Variants in RRBP1 observed in about 807,000 individuals in gnomAD.
The protein encoded by RRBP1 is ribosome-binding protein 1.
RRBP1 carries 94 observed loss-of-function variants against 165.2 expected under a neutral mutation model. That is an observed-to-expected ratio of 0.57 (90% confidence interval 0.48 to 0.68). RRBP1 has a LOEUF of 0.68. Among genes scored for constraint, RRBP1 ranks in the 30% least tolerant of loss-of-function variants. The probability of loss-of-function intolerance (pLI) is 0.00; values close to 1 mark genes in which losing one functional copy is unlikely to be tolerated. For synonymous variants in RRBP1, 680 were observed against 714.5 expected (o/e 0.95, Z 0.77); for missense variants, 1,676 against 1,763.0 (o/e 0.95, Z 0.88).
At chr20:17,631,587 G>A (rs2036151552) in intron 8 of RRBP1, among the ~76,000 whole-genome samples, 1 of 152,262 alleles carries the variant, frequency 6.6e-6, no homozygotes, top group African/African-American at 2.4e-5. Flanking sequence ...TCCCGTGGCT[G>A]GGTGGGCCCA....
At position 17,637,697 on chromosome 20, in the gene RRBP1, G is replaced by A. The variant is rs559473562; in HGVS notation, c.2185-968C>T. ...TGAGATGGGAAAGAACCCTGAGGAG[G>A]AGCCACTGGGTGCTGGTGCTGTTCC... On this transcript the variant is annotated intron_variant, in intron 5 of 24. Coordinates refer to ENST00000377813, the MANE Select transcript of RRBP1 (RefSeq NM_001365613.2). Among the ~76,000 whole-genome samples the A allele has an allele frequency of 5.3e-5, 8 of 152,308 alleles. No individual in the cohort carries two copies. In the East Asian group the frequency reaches 9.7e-4, roughly 18 times the overall value.
At chr20:17,678,331 C>T (rs2122520900) in intron 2 of RRBP1, among the ~76,000 whole-genome samples, 1 of 152,308 alleles carries the variant, frequency 6.6e-6, no homozygotes, top group South Asian at 2.1e-4. Context: ...GTCTTTGTTA[C>T]AAGTCACCAT....
At position 17,620,349 on chromosome 20, in the gene RRBP1, G is replaced by A. The variant is rs1474545970; in HGVS notation, c.3529C>T (p.Leu1177Phe). The A allele has an allele frequency of 5.6e-6, 9 of 1,613,820 alleles. No individual in the cohort carries two copies. In the South Asian group the frequency reaches 9.9e-5, roughly 18 times the overall value. Reference sequence around the variant, plus strand: ...TTTAGCTTCTCTACAATCTCTTCGAGATGCTTCACTGTGACCCGGGACTAC... The same window carrying A: ...TTTAGCTTCTCTACAATCTCTTCGAAATGCTTCACTGTGACCCGGGACTAC... ...LQKSRVTVKH[L>F]EEIVEKLKGE... The change falls in exon 18 of 25, where the codon CTC becomes TTC. Residue 1177 changes from leucine (L) to phenylalanine (F), a missense_variant. Physicochemically the swap from Leu to Phe is conservative, Grantham distance 22. Coordinates refer to ENST00000377813, the MANE Select transcript of RRBP1 (RefSeq NM_001365613.2).
chr20:17,625,753 G>GT, intron 11 of RRBP1, 151 bp from the exon 12 acceptor site: 1 of 640,184 alleles, frequency 1.6e-6, no homozygotes, highest in South Asian at 1.9e-5. Flanking sequence ...CTCACCCAGC[G>GT]TGAGCTCCCA....
chr20:17,620,458 C>T (rs1382722833), intron 17 of RRBP1, 88 bp from the exon 18 acceptor site: 5 of 1,252,058 alleles, frequency 4.0e-6, no homozygotes, highest in East Asian at 2.3e-5. Context: ...CGGGACTGAC[C>T]CAACTTAGGA....
intron 5 of RRBP1, among the ~76,000 whole-genome samples, chr20:17,641,007 G>A (rs1042225015): frequency 3.3e-5 from 5 of 152,222 alleles, no homozygotes; most frequent in African/African-American, 1.2e-4. Flanking sequence ...AGCCTGCGGT[G>A]CTGCATGGGG....
At chr20:17,619,568 A>C (rs1187071317) in intron 19 of RRBP1, 65 bp downstream of exon 19, 21 of 1,149,564 alleles carry the variant, frequency 1.8e-5, no homozygotes, top group Admixed American at 7.0e-5. Context: ...GGCTGAGGAG[A>C]AGCAGCTCAG....
intron 7 of RRBP1, among the ~76,000 whole-genome samples, chr20:17,634,371 T>TG (rs2036209379): frequency 6.6e-6 from 1 of 152,070 alleles, no homozygotes; most frequent in African/African-American, 2.4e-5. Flanking sequence ...GCCTGCGGGG[T>TG]GGTGGGTCCC....
chr20:17,647,557 C>T (rs1269871956), intron 3 of RRBP1, among the ~76,000 whole-genome samples: 2 of 152,314 alleles, frequency 1.3e-5, no homozygotes, highest in Non-Finnish European at 1.5e-5. Flanking sequence ...ACCAGCTGGC[C>T]TGGACCCTGG....
In RRBP1 at chr20:17,658,936, C is replaced by A; in HGVS notation, c.1572G>T (p.Gly524=). Residue 524 remains glycine (G), a synonymous_variant, in exon 3 of 25, where the codon GGG becomes GGT. Coordinates refer to ENST00000377813, the MANE Select transcript of RRBP1 (RefSeq NM_001365613.2). Reference sequence around the variant, plus strand: ...TCCTTTCTGCCTTTTTGCCCTGAGCCCCTTCTGTCTTTTTACCCTGATTCT... The same window carrying A: ...TCCTTTCTGCCTTTTTGCCCTGAGCACCTTCTGTCTTTTTACCCTGATTCT... ...GAQNQGKKTE[G]AQGKKAERSP... 1 of 1,613,000 alleles carries A rather than the reference C, an allele frequency of 6.2e-7. No homozygotes were observed. Among genetic ancestry groups the A allele is most frequent in the South Asian group, 1.1e-5 (1 of 91,084 alleles).
chr20:17,676,931 A>T (rs2122516591), intron 2 of RRBP1, among the ~76,000 whole-genome samples: 1 of 152,194 alleles, frequency 6.6e-6, no homozygotes. Context: ...CATTCTTTAT[A>T]GAGATGGGGT....
chr20:17,657,109 G>T (rs531574054), intron 3 of RRBP1, among the ~76,000 whole-genome samples: 2 of 152,370 alleles, frequency 1.3e-5, no homozygotes, highest in African/African-American at 4.8e-5. Context: ...GAAGAACCAA[G>T]TAAAAGCTGA....
chr20:17,633,310 G>A (rs2036187424), intron 8 of RRBP1, 150 bp downstream of exon 8: 1 of 844,374 alleles, frequency 1.2e-6, no homozygotes, highest in Non-Finnish European at 1.9e-6. Flanking sequence ...AAGAGTTTGA[G>A]CCCCAGCCCT....
At chr20:17,669,849 G>GA (rs1262158591) in intron 2 of RRBP1, among the ~76,000 whole-genome samples, 1 of 151,988 alleles carries the variant, frequency 6.6e-6, no homozygotes, top group Non-Finnish European at 1.5e-5. Flanking sequence ...CGATTAAAAA[G>GA]AAAAAAATTC....
intron 3 of RRBP1, among the ~76,000 whole-genome samples, chr20:17,649,334 C>G (rs527295480): frequency 6.6e-6 from 1 of 152,204 alleles, no homozygotes; most frequent in African/African-American, 2.4e-5. Context: ...CTGCCCACAC[C>G]GGCCGCTCTG....
rs372693767 is a variant in RRBP1, at chr20:17,627,389, TGA to T, written c.2929-9_2929-8del. 13 of 1,614,002 alleles carry T rather than the reference TGA, an allele frequency of 8.1e-6. No individual in the cohort carries two copies. The highest frequency in any genetic ancestry group is 5.3e-5 in the African/African-American group (4 of 75,060). ...CAGCCTCCGCCTGGCTGGCCTGGAA[TGA>T]GAGACAAAAGCTCCTTGGTCTCCAG... On this transcript the variant is annotated splice_region_variant and splice_polypyrimidine_tract_variant and intron_variant, in intron 10 of 24. Coordinates refer to ENST00000377813, the MANE Select transcript of RRBP1 (RefSeq NM_001365613.2).
chr20:17,642,236 C>T (rs553179286), intron 4 of RRBP1, among the ~76,000 whole-genome samples: 14 of 152,218 alleles, frequency 9.2e-5, no homozygotes, highest in African/African-American at 2.7e-4. Context: ...GGAGCCTACC[C>T]GAGCCGGGCG....
intron 3 of RRBP1, among the ~76,000 whole-genome samples, chr20:17,648,035 T>C (rs2036495528): frequency 6.6e-6 from 1 of 152,132 alleles, no homozygotes; most frequent in East Asian, 1.9e-4. Flanking sequence ...ACGCAAGCAG[T>C]CATCAGCCTC....
intron 2 of RRBP1, among the ~76,000 whole-genome samples, chr20:17,663,080 G>T (rs142798743): frequency 1.3e-5 from 2 of 152,246 alleles, no homozygotes; most frequent in East Asian, 3.9e-4. Flanking sequence ...AGGGGCCTGG[G>T]TCACCCTCAC....
Sources: allele counts gnomAD v4.1 joint callset (sites outside exome capture counted in the v4.1 genomes callset), GRCh38; gene constraint gnomAD v4.1.1; transcripts MANE v1.5; gene names NCBI Gene and HGNC (gene_info 2026-07-23, HGNC 2026-07-21).